The following MGAT4C variants were observed in gnomAD, a reference collection of about 807,000 sequenced individuals.
The protein encoded by MGAT4C is alpha-1,3-mannosyl-glycoprotein 4-beta-N-acetylglucosaminyltransferase C.
In MGAT4C, 19 loss-of-function variants were observed where a neutral mutation model predicts 40.1. That is an observed-to-expected ratio of 0.47 (90% CI 0.33 to 0.70). The LOEUF is 0.70. Among genes scored for constraint, MGAT4C ranks in the 30% least tolerant of loss-of-function variants. The pLI is 0.02. For missense variants in MGAT4C, 491 were observed against 563.2 expected (o/e 0.87, Z 1.30); for synonymous variants, 181 against 187.1 (o/e 0.97, Z 0.27).
intron 4 of MGAT4C, among the ~76,000 whole-genome samples, chr12:86,297,201 C>T (rs1953703942): frequency 6.6e-6 from 1 of 152,080 alleles, no homozygotes; most frequent in Non-Finnish European, 1.5e-5. Flanking sequence ...GCTTTCGAAT[C>T]CTACAAAAAG....
intron 1 of MGAT4C, among the ~76,000 whole-genome samples, chr12:86,254,785 T>C (rs575586450): frequency 6.6e-6 from 1 of 152,082 alleles, no homozygotes; most frequent in African/African-American, 2.4e-5. Context: ...GTTGATTACG[T>C]ATTGTTGTGG....
chr12:86,544,246 A>G (rs970323832), intron 2 of MGAT4C, among the ~76,000 whole-genome samples: 2 of 152,208 alleles, frequency 1.3e-5, no homozygotes, highest in East Asian at 1.9e-4. Context: ...TCCTGCATAC[A>G]TATTTGAGAA....
At chr12:86,795,952 G>C (rs1376719044) in intron 1 of MGAT4C, among the ~76,000 whole-genome samples, 1 of 151,968 alleles carries the variant, frequency 6.6e-6, no homozygotes, top group East Asian at 1.9e-4. Context: ...ATTAGAAAGA[G>C]AGCAACGTAA....
intron 2 of MGAT4C, among the ~76,000 whole-genome samples, chr12:86,000,511 T>C (rs936331759): frequency 1.3e-5 from 2 of 152,138 alleles, no homozygotes; most frequent in East Asian, 3.9e-4. Flanking sequence ...ATTAATAAAA[T>C]TGAATAAGCA....
Position 85,965,272 on chromosome 12 carries a change from C to T in MGAT4C, c.*14017G>A, listed in dbSNP as rs1397462560. The T allele has an allele frequency of 1.3e-5, 2 of 151,902 alleles. No homozygotes were observed. The highest frequency in any genetic ancestry group is 2.9e-5 in the Non-Finnish European group (2 of 67,984). The allele number at this position is 151,902 out of a possible 1,614,324, so 9.4% of individuals were successfully genotyped here. On this transcript the variant is annotated 3_prime_UTR_variant, in exon 5 of 5. Coordinates refer to ENST00000611864, the MANE Select transcript of MGAT4C (RefSeq NM_001351288.2). ...GCTTGTAAGATTTGTTTTTTGTTCT[C>T]TTACTATTATGAAAATCACGAACTT...
intron 1 of MGAT4C, among the ~76,000 whole-genome samples, chr12:86,161,168 C>G (rs555264001): frequency 6.6e-6 from 1 of 152,110 alleles, no homozygotes; most frequent in South Asian, 2.1e-4. Flanking sequence ...TTCCAAAATT[C>G]ACATGTCACC....
At chr12:86,436,146 T>C (rs1957133276) in intron 2 of MGAT4C, among the ~76,000 whole-genome samples, 1 of 151,876 alleles carries the variant, frequency 6.6e-6, no homozygotes, top group African/African-American at 2.4e-5. Flanking sequence ...ACGAAAAATA[T>C]GAATTAACTG....
chr12:86,409,147 C>G (rs1956551435), intron 3 of MGAT4C, among the ~76,000 whole-genome samples: 1 of 152,036 alleles, frequency 6.6e-6, no homozygotes, highest in Non-Finnish European at 1.5e-5. Context: ...TATTTAGCTA[C>G]TTTATATCTA....
chr12:86,138,681 T>G (rs977590194), intron 1 of MGAT4C, among the ~76,000 whole-genome samples: 1 of 147,456 alleles, frequency 6.8e-6, no homozygotes, highest in Non-Finnish European at 1.5e-5. Context: ...TATTTCCATA[T>G]ATATATTTCC....
chr12:86,122,807 T>C (rs1879608032), intron 1 of MGAT4C, among the ~76,000 whole-genome samples: 1 of 152,268 alleles, frequency 6.6e-6, no homozygotes, highest in East Asian at 1.9e-4. Flanking sequence ...TGTATATATA[T>C]AAGTATGCAC....
At chr12:86,620,956 A>G (rs1355084650) in intron 2 of MGAT4C, among the ~76,000 whole-genome samples, 1 of 152,096 alleles carries the variant, frequency 6.6e-6, no homozygotes, top group Non-Finnish European at 1.5e-5. Context: ...CCAGAAGCAA[A>G]AGCCTGTACA....
chr12:86,440,448 T>C (rs1013846049), intron 2 of MGAT4C, among the ~76,000 whole-genome samples: 1 of 151,894 alleles, frequency 6.6e-6, no homozygotes, highest in African/African-American at 2.4e-5. Context: ...ATAAAAACTC[T>C]CAGTAACCTA....
intron 3 of MGAT4C, among the ~76,000 whole-genome samples, chr12:86,366,740 T>G (rs1271610672): frequency 6.6e-6 from 1 of 152,156 alleles, no homozygotes; most frequent in Non-Finnish European, 1.5e-5. Flanking sequence ...AATTTTTGTT[T>G]AAAAATTAGC....
chr12:86,488,604 C>T (rs1958070547), intron 2 of MGAT4C, among the ~76,000 whole-genome samples: 2 of 152,020 alleles, frequency 1.3e-5, no homozygotes, highest in South Asian at 4.1e-4. Context: ...TGAAGAGTTT[C>T]AGTGGTCTTC....
intron 1 of MGAT4C, among the ~76,000 whole-genome samples, chr12:86,766,611 G>T (rs4842824): frequency 6.8e-6 from 1 of 147,646 alleles, no homozygotes; most frequent in East Asian, 2.0e-4. Flanking sequence ...TGACCACATA[G>T]TTGGAAGTAA....
chr12:86,061,783 C>CTGTGGTG (rs1461490197), intron 1 of MGAT4C, among the ~76,000 whole-genome samples: 1 of 152,106 alleles, frequency 6.6e-6, no homozygotes, highest in Non-Finnish European at 1.5e-5. Context: ...TAGAGTCCAC[C>CTGTGGTG]ACAGCTCAGC....
At chr12:86,640,293 A>G (rs1963342591) in intron 2 of MGAT4C, among the ~76,000 whole-genome samples, 1 of 151,858 alleles carries the variant, frequency 6.6e-6, no homozygotes, top group African/African-American at 2.4e-5. Flanking sequence ...CTACAATAGT[A>G]TAGTTTGCTA....
At chr12:86,358,448 T>C in intron 3 of MGAT4C, among the ~76,000 whole-genome samples, 1 of 152,214 alleles carries the variant, frequency 6.6e-6, no homozygotes, top group Non-Finnish European at 1.5e-5. Flanking sequence ...GCTAACATCA[T>C]AATGACAGGA....
intron 2 of MGAT4C, among the ~76,000 whole-genome samples, chr12:86,683,655 C>T (rs540278784): frequency 6.6e-6 from 1 of 152,300 alleles, no homozygotes; most frequent in African/African-American, 2.4e-5. Flanking sequence ...ATAGAGTGAA[C>T]CCACAGCCCT....
Sources: allele counts gnomAD v4.1 joint callset (sites outside exome capture counted in the v4.1 genomes callset), GRCh38; gene constraint gnomAD v4.1.1; transcripts MANE v1.5; gene names NCBI Gene and HGNC (gene_info 2026-07-23, HGNC 2026-07-21).